EDA2R: variants seen among roughly 807,000 people sequenced by gnomAD.
The protein encoded by EDA2R is ectodysplasin A2 receptor, also known as tumor necrosis factor receptor superfamily member 27.
Under a neutral mutation model 20.1 loss-of-function variants are expected in EDA2R, and 26 were observed. The observed-to-expected ratio is 1.30, with a 90% confidence interval of 0.95 to 1.80. The LOEUF (loss-of-function observed/expected upper bound fraction) is 1.80. Among genes scored for constraint, EDA2R ranks in the 40% most tolerant of loss-of-function variants. The pLI, the probability that EDA2R is intolerant of heterozygous loss-of-function variation, is 0.00. For synonymous variants in EDA2R, 114 were observed against 88.7 expected, an observed-to-expected ratio of 1.29 and a Z score of -1.60; for missense variants, 277 against 228.7, an observed-to-expected ratio of 1.21 and a Z score of -1.36.
At chrX:66,609,038 T>G (rs1474960089) in intron 2 of EDA2R, among the ~76,000 whole-genome samples, 1 of 111,918 alleles carries the variant, frequency 8.9e-6, no homozygotes, top group Admixed American at 9.4e-5. Flanking sequence ...TTAAAAATCA[T>G]AATGCAGTAT....
At chrX:66,637,635 C>G (rs1279175313) in intron 1 of EDA2R, among the ~76,000 whole-genome samples, 1 of 112,542 alleles carries the variant, frequency 8.9e-6, no homozygotes, top group African/African-American at 3.2e-5. Flanking sequence ...GCAGTTGTTC[C>G]TATTTTCTCT....
At chrX:66,624,349 A>G (rs897478837) in intron 1 of EDA2R, among the ~76,000 whole-genome samples, 32 of 111,076 alleles carry the variant, frequency 2.9e-4, no homozygotes, top group Admixed American at 2.4e-3. Context: ...TGAAACCTCA[A>G]TTCTACTAAA....
In EDA2R at chrX:66,596,250, A is replaced by C. The variant is rs1293208647; in HGVS notation, c.*1854T>G. The C allele has an allele frequency of 9.0e-6, 1 of 111,494 alleles. No individual in the cohort carries two copies. Among genetic ancestry groups the C allele is most frequent in the East Asian group, 2.8e-4 (1 of 3,535 alleles). The allele number at this position is 111,494 out of a possible 1,213,427, so 9.2% of individuals were successfully genotyped here. A position where few individuals can be genotyped will look rare whatever the true frequency, so the allele number is the denominator to read the frequency against. Reference sequence around the variant, plus strand: ...AGTGCTCAAAGAAATATGCCTCAGCATTGAAAAGTAAAACTGTAAAAAGAA... The same window carrying C: ...AGTGCTCAAAGAAATATGCCTCAGCCTTGAAAAGTAAAACTGTAAAAAGAA... On this transcript the variant is annotated 3_prime_UTR_variant, in exon 7 of 7. Transcript: ENST00000374719.
At position 66,601,807 on chromosome X, in the gene EDA2R, C is replaced by T. The variant is rs757169002; in HGVS notation, c.517+826G>A. Among the ~76,000 whole-genome samples the T allele has an allele frequency of 1.6e-4, 18 of 111,805 alleles. 1 individual carries two copies. The highest frequency in any genetic ancestry group is 5.6e-5 in the Non-Finnish European group (3 of 53,184). ...TCTTGGCTGGAGTTCTAACTCTTTG[C>T]CTGGTCCTGATCAGCCACATTCCCA... On this transcript the variant is annotated intron_variant, in intron 5 of 6. Coordinates refer to ENST00000374719, the MANE Select transcript of EDA2R (RefSeq NM_021783.5).
Position 66,605,095 on chromosome X carries a change from G to C in EDA2R, c.219C>G (p.Val73=), listed in dbSNP as rs1929415711. The C allele has an allele frequency of 8.3e-7, 1 of 1,207,460 alleles. No individual in the cohort carries two copies. The highest frequency in any genetic ancestry group is 1.7e-5 in the African/African-American group (1 of 57,156). ...TCAVINRVQK[V]NCTATSNAVC... ...CAGCATTAGAGGTAGCTGTGCAGTT[G>C]ACCTTCTGAACACGATTGATGACAG... Residue 73 remains valine, a synonymous_variant, in exon 3 of 7, where the codon GTC becomes GTG. Coordinates refer to ENST00000374719, the MANE Select transcript of EDA2R (RefSeq NM_021783.5).
intron 1 of EDA2R, among the ~76,000 whole-genome samples, chrX:66,629,881 A>G (rs1328027462): frequency 8.9e-6 from 1 of 111,785 alleles, no homozygotes. Flanking sequence ...CCACATAACC[A>G]AAACAAGACT....
intron 1 of EDA2R, among the ~76,000 whole-genome samples, chrX:66,637,972 A>C (rs188380817): frequency 1.8e-3 from 208 of 112,476 alleles, no homozygotes; most frequent in Middle Eastern, 4.6e-3. Context: ...AAGGCGTTAC[A>C]ATTTCAAAAA....
chrX:66,605,281 C>T, intron 2 of EDA2R, 55 bp from the exon 3 acceptor site: 6 of 1,117,579 alleles, frequency 5.4e-6, no homozygotes, highest in Non-Finnish European at 7.2e-6. Context: ...GAGATGGGAT[C>T]ACCTGTGGGA....
chrX:66,602,553 T>G (rs1928810593), intron 5 of EDA2R, 80 bp downstream of exon 5: 29 of 1,045,979 alleles, frequency 2.8e-5, no homozygotes, highest in Non-Finnish European at 2.3e-5. Context: ...CCATTGTCTC[T>G]CAACCCCAGA....
In EDA2R at chrX:66,604,575, G is replaced by A. The variant is rs867072141; in HGVS notation, c.267-69C>T. 4.0e-6 allele frequency: 4 copies of A among 999,444 alleles called. No homozygotes were observed. The African/African-American group carries it at 5.7e-5, about 14-fold the overall frequency. 82.4% of individuals were successfully genotyped at this position (999,444 alleles called of 1,213,427 possible). A position where few individuals can be genotyped will look rare whatever the true frequency, so the allele number is the denominator to read the frequency against. The stretch of plus-strand genomic sequence containing the variant: ...AATGCACTTGGACCAGTTCTTCCTG[G>A]GAAAGCAGCTCCTAAGAATCTTGCC... On this transcript the variant is annotated intron_variant, in intron 3 of 6. Transcript: ENST00000374719.
intron 2 of EDA2R, among the ~76,000 whole-genome samples, chrX:66,605,460 G>A (rs1413870965): frequency 8.9e-6 from 1 of 112,434 alleles, no homozygotes; most frequent in Non-Finnish European, 1.9e-5. Flanking sequence ...ATTTGTATCA[G>A]TCAGCATAGG....
chrX:66,610,420 G>A (rs1014681706), intron 2 of EDA2R, among the ~76,000 whole-genome samples: 5 of 110,894 alleles, frequency 4.5e-5, no homozygotes, highest in African/African-American at 1.6e-4. Context: ...TTGTTCTTCT[G>A]GAAAGCAAGT....
At chrX:66,598,751 T>C (rs941751900) in intron 6 of EDA2R, among the ~76,000 whole-genome samples, 6 of 112,214 alleles carry the variant, frequency 5.3e-5, no homozygotes, top group African/African-American at 9.7e-5. Flanking sequence ...AGGGAAGTCA[T>C]TGGGAGAACT....
At chrX:66,619,206 T>C (rs752009197) in intron 1 of EDA2R, among the ~76,000 whole-genome samples, 2 of 111,734 alleles carry the variant, frequency 1.8e-5, no homozygotes, top group South Asian at 3.8e-4. Context: ...AGTTTCCTCC[T>C]CATTAATCGC....
chrX:66,638,104 T>C (rs1160857548), intron 1 of EDA2R, among the ~76,000 whole-genome samples: 4 of 112,529 alleles, frequency 3.6e-5, no homozygotes, highest in Non-Finnish European at 5.6e-5. Flanking sequence ...TTAATATTTA[T>C]CCGTGTTTTT....
At chrX:66,604,285 C>A in intron 4 of EDA2R, 136 bp downstream of exon 4, 1 of 436,253 alleles carries the variant, frequency 2.3e-6, no homozygotes, top group Non-Finnish European at 3.7e-6. Flanking sequence ...GTTGTAAAAC[C>A]AGACTTCTAA....
At chrX:66,599,399 G>C (rs1928077136) in intron 6 of EDA2R, 75 bp downstream of exon 6, 2 of 1,036,064 alleles carry the variant, frequency 1.9e-6, no homozygotes, top group African/African-American at 3.9e-5. Context: ...TATTCCAAAA[G>C]AGAATTCCTT....
rs899653145 is a variant in EDA2R, at chrX:66,614,731, T to A, written c.87+1203A>T. Among the ~76,000 whole-genome samples, 5 of 111,946 alleles carry A rather than the reference T, an allele frequency of 4.5e-5. No individual in the cohort carries two copies. The Admixed American group carries it at 4.7e-4, about 11-fold the overall frequency. On this transcript the variant is annotated intron_variant, in intron 2 of 6. Transcript: ENST00000374719. The stretch of plus-strand genomic sequence containing the variant: ...AAAGGTAGGAATAAAGTGGGCTAGA[T>A]AATTATTATGTTGTTTTCCAGCCAC...
intron 1 of EDA2R, among the ~76,000 whole-genome samples, chrX:66,626,494 C>T (rs898191615): frequency 1.8e-5 from 2 of 111,194 alleles, no homozygotes; most frequent in African/African-American, 6.5e-5. Flanking sequence ...AAAATATGAA[C>T]AAAGACTCCA....
Sources: allele counts gnomAD v4.1 joint callset (sites outside exome capture counted in the v4.1 genomes callset), GRCh38; gene constraint gnomAD v4.1.1; transcripts MANE v1.5; gene names NCBI Gene and HGNC (gene_info 2026-07-23, HGNC 2026-07-21).